Variants in PHYHIP observed in about 807,000 individuals in gnomAD.
The protein encoded by PHYHIP is phytanoyl-CoA hydroxylase-interacting protein.
A neutral mutation model predicts 26.1 loss-of-function variants in PHYHIP; 7 were observed. The ratio of observed to expected loss-of-function variants is 0.27; its 90% CI spans 0.15 to 0.50. The LOEUF is 0.50. PHYHIP is among the 20% of genes least tolerant of loss of function. PHYHIP has a pLI of 0.98. For missense variants in PHYHIP, 232 were observed against 454.7 expected (o/e 0.51, Z 4.45); for synonymous variants, 206 against 183.4 (o/e 1.12, Z -1.00).
At position 22,223,423 on chromosome 8, in the gene PHYHIP, C is replaced by T. The variant is rs146376143; in HGVS notation, c.458+803G>A. On this transcript the variant is annotated intron_variant, in intron 4 of 4. Coordinates refer to ENST00000454243, the MANE Select transcript of PHYHIP (RefSeq NM_014759.5). ...GCCCTGGCTGAGCCTCAGAAGGATG[C>T]GGCCTTGGAGCACTTGCCAGCAGGC... Among the ~76,000 whole-genome samples the T allele has an allele frequency of 5.3e-3, 803 of 150,862 alleles. 7 individuals are homozygous for T. Among genetic ancestry groups the T allele is most frequent in the African/African-American group, 0.018 (718 of 41,010 alleles).
rs746137577 is a variant in PHYHIP at position 22,221,472 on chromosome 8, C to T, written c.874G>A (p.Val292Ile). 8 of 1,614,158 alleles carry T rather than the reference C, an allele frequency of 5.0e-6. No homozygotes were observed. The highest frequency in any genetic ancestry group is 4.4e-5 in the South Asian group (4 of 91,080). Residue 292 changes from valine (V) to isoleucine (I), a missense_variant, in exon 5 of 5, where the codon GTC (valine) becomes ATC (isoleucine). Transcript: ENST00000454243. The surrounding 1 kb of genome is among the most constrained non-coding windows in gnomAD (Gnocchi z 7.9). ...LILEIIYTEP[V>I]DLSLGTLGEI... ...CCCAGGGTGCCCAGGGACAGGTCGA[C>T]GGGCTCAGTGTAGATGATCTCCAGG...
chr8:22,221,324 TCCCTCG>T lies in PHYHIP; in HGVS notation c.*23_*28del. On this transcript the variant is annotated 3_prime_UTR_variant, in exon 5 of 5. Transcript: ENST00000454243. This position sits in a 1 kb window ranked among gnomAD's most constrained non-coding sequence, Gnocchi z 7.9. ...CCCACCTCCACCTTCCGCTCATCTC[TCCCTCG>T]CCCCCCAGCTCCCCAGGAGTCCCTA... 1 of 1,529,308 alleles carries T rather than the reference TCCCTCG, an allele frequency of 6.5e-7. No individual in the cohort carries two copies. The highest frequency in any genetic ancestry group is 8.8e-7 in the Non-Finnish European group (1 of 1,137,440). 94.7% of individuals were successfully genotyped at this position (1,529,308 alleles called of 1,614,324 possible).
chr8:22,222,472 C>T (rs1829650608), intron 4 of PHYHIP, among the ~76,000 whole-genome samples: 1 of 152,212 alleles, frequency 6.6e-6, no homozygotes, highest in Admixed American at 6.5e-5. Flanking sequence ...CACTATGTTG[C>T]CCAGGCTGGA....
intron 4 of PHYHIP, among the ~76,000 whole-genome samples, chr8:22,222,652 CA>C (rs1179011090): frequency 6.6e-6 from 1 of 152,164 alleles, no homozygotes; most frequent in East Asian, 1.9e-4. Flanking sequence ...CTGAGGTTCT[CA>C]AAAGAGTGAA....
chr8:22,229,375 C>T (rs890067974), intron 1 of PHYHIP, among the ~76,000 whole-genome samples: 1 of 152,184 alleles, frequency 6.6e-6, no homozygotes, highest in African/African-American at 2.4e-5. Flanking sequence ...CTCCTTCCAT[C>T]GTTTCCTTTC....
chr8:22,221,152 T>C lies in PHYHIP; in HGVS notation c.*201A>G, dbSNP rs1829613220. On this transcript the variant is annotated 3_prime_UTR_variant, in exon 5 of 5. Coordinates refer to ENST00000454243, the MANE Select transcript of PHYHIP (RefSeq NM_014759.5). This position sits in a 1 kb window ranked among gnomAD's most constrained non-coding sequence, Gnocchi z 7.9. ...CTACAGAGGCTGAGAAGCCTTTCCA[T>C]GTCCACCAGGCTGGGTGTGGGCCAC... is the stretch of plus-strand genomic sequence containing the variant. The C allele has an allele frequency of 1.9e-6, 1 of 525,662 alleles. No homozygotes were observed. The highest frequency in any genetic ancestry group is 3.2e-5 in the Admixed American group (1 of 31,136). 32.6% of individuals were successfully genotyped at this position (525,662 alleles called of 1,614,324 possible).
In PHYHIP at chr8:22,221,712, G is replaced by A. The variant is rs1003276981; in HGVS notation, c.634C>T (p.Arg212Cys). 3.1e-6 allele frequency: 5 copies of A among 1,613,090 alleles called. No individual in the cohort carries two copies. In the South Asian group the frequency reaches 3.3e-5, roughly 11 times the overall value. Residue 212 changes from arginine (R) to cysteine (C), a missense_variant, in exon 5 of 5, where the codon CGC (arginine) becomes TGC (cysteine). Physicochemically the swap from Arg to Cys is radical, Grantham distance 180. Transcript: ENST00000454243. This position sits in a 1 kb window ranked among gnomAD's most constrained non-coding sequence, Gnocchi z 7.9. ...AGGTTGGTGCTGGGATTGAAGAGGC[G>A]CTGAGCTGGGATCTGGAAGCGCCAG... ...GRWRFQIPAQRLFNPSTNLYF... is the reference protein window; with the variant it reads ...GRWRFQIPAQCLFNPSTNLYF...
intron 3 of PHYHIP, among the ~76,000 whole-genome samples, chr8:22,226,144 G>A (rs914763620): frequency 1.3e-5 from 2 of 152,164 alleles, no homozygotes; most frequent in African/African-American, 2.4e-5. Flanking sequence ...ATTTTCCCAG[G>A]CTACGTGAAG....
chr8:22,224,135 T>G (rs1586489027), intron 4 of PHYHIP, 91 bp downstream of exon 4: 3 of 777,904 alleles, frequency 3.9e-6, no homozygotes, highest in Non-Finnish European at 4.5e-6. Context: ...GCCACGAGGG[T>G]GGGGGTGACC....
Position 22,220,016 on chromosome 8 carries a change from C to G in PHYHIP, c.*1337G>C, listed in dbSNP as rs889800485. The stretch of plus-strand genomic sequence containing the variant: ...CCTCACCGAGGTATGGCCTTGCCGG[C>G]CCGCTGCTGCTTCCGTCCTTCATCA... On this transcript the variant is annotated 3_prime_UTR_variant, in exon 5 of 5. Transcript: ENST00000454243. 1 of 152,496 alleles carries G rather than the reference C, an allele frequency of 6.6e-6. No individual in the cohort carries two copies. Among genetic ancestry groups the G allele is most frequent in the African/African-American group, 2.4e-5 (1 of 41,482 alleles). 9.4% of individuals were successfully genotyped at this position (152,496 alleles called of 1,614,324 possible).
rs1423675422 is a variant in PHYHIP, at chr8:22,224,358, A to T, written c.341-15T>A. The T allele has an allele frequency of 5.4e-6, 8 of 1,489,712 alleles. No homozygotes were observed. Among genetic ancestry groups the T allele is most frequent in the Non-Finnish European group, 7.5e-6 (8 of 1,070,342 alleles). The allele number at this position is 1,489,712 out of a possible 1,614,324, so 92.3% of individuals were successfully genotyped here. A position where few individuals can be genotyped will look rare whatever the true frequency, so the allele number is the denominator to read the frequency against. ...CTTGGCATAATCTGCAAGATCCCAGATGCGGTAGGTGAGCCGAGGGCCAGC... is the reference window on the plus strand; with the variant it reads ...CTTGGCATAATCTGCAAGATCCCAGTTGCGGTAGGTGAGCCGAGGGCCAGC... On this transcript the variant is annotated splice_polypyrimidine_tract_variant and intron_variant, in intron 3 of 4. Transcript: ENST00000454243.
At chr8:22,222,004 TC>T in intron 4 of PHYHIP, 117 bp from the exon 5 acceptor site, 2 of 827,682 alleles carry the variant, frequency 2.4e-6, no homozygotes, top group Non-Finnish European at 3.7e-6. Context: ...CTCCCAGCCC[TC>T]CCCCAGCCGC....
chr8:22,229,841 C>T lies in PHYHIP; in HGVS notation c.-29-1455G>A, dbSNP rs534642276. Among the ~76,000 whole-genome samples, 28 of 152,314 alleles carry T rather than the reference C, an allele frequency of 1.8e-4. 1 individual carries two copies. In the South Asian group the frequency reaches 5.6e-3, roughly 30 times the overall value. On this transcript the variant is annotated intron_variant, in intron 1 of 4. Coordinates refer to ENST00000454243, the MANE Select transcript of PHYHIP (RefSeq NM_014759.5). Reference sequence around the variant, plus strand: ...AGCCCACACCTTCCTGTCAATTAAGCTTGCTCCAGAGCCTGGCACCTCTGT... The same window carrying T: ...AGCCCACACCTTCCTGTCAATTAAGTTTGCTCCAGAGCCTGGCACCTCTGT...
Position 22,224,289 on chromosome 8 carries a change from C to A in PHYHIP, c.395G>T (p.Gly132Val), listed in dbSNP as rs748801776. ...QLQEKAEQIA[G>V]RMLRFSVFYR... ...GAAGACGGAGAAGCGGAGCATGCGG[C>A]CTGCGATCTGCTCAGCTTTCTCCTG... Residue 132 changes from glycine to valine, a missense_variant, in exon 4 of 5, where the codon GGC (glycine) becomes GTC (valine). Physicochemically the swap from Gly to Val is moderately radical, Grantham distance 109 (BLOSUM62 -3). Coordinates refer to ENST00000454243, the MANE Select transcript of PHYHIP (RefSeq NM_014759.5). The A allele has an allele frequency of 1.2e-6, 2 of 1,612,942 alleles. No individual in the cohort carries two copies. The highest frequency in any genetic ancestry group is 2.2e-5 in the East Asian group (1 of 44,898).
intron 1 of PHYHIP, among the ~76,000 whole-genome samples, chr8:22,230,201 TCACACACACACACG>T (rs1297995221): frequency 1.3e-5 from 2 of 151,282 alleles, no homozygotes; most frequent in Non-Finnish European, 3.0e-5. Context: ...CATGTGCCCC[TCACACACACACACG>T]CACACACACA....
chr8:22,222,619 C>T (rs1208002878), intron 4 of PHYHIP, among the ~76,000 whole-genome samples: 1 of 152,172 alleles, frequency 6.6e-6, no homozygotes, highest in Non-Finnish European at 1.5e-5. Flanking sequence ...GAAATCTTTC[C>T]ATACTGTCTC....
intron 2 of PHYHIP, chr8:22,227,788 CG>C (rs1460082958): frequency 4.4e-6 from 2 of 453,984 alleles, no homozygotes; most frequent in African/African-American, 4.0e-5. Context: ...CAGCCAACAG[CG>C]AGGCTGTGCC....
At chr8:22,225,549 C>G (rs892806079) in intron 3 of PHYHIP, among the ~76,000 whole-genome samples, 3 of 150,728 alleles carry the variant, frequency 2.0e-5, no homozygotes, top group African/African-American at 7.3e-5. Context: ...AATCGCAGCA[C>G]TTTGGGAGGC....
chr8:22,226,390 G>T (rs1829745099), intron 3 of PHYHIP, among the ~76,000 whole-genome samples: 1 of 152,146 alleles, frequency 6.6e-6, no homozygotes, highest in Non-Finnish European at 1.5e-5. Context: ...GAGGGAAATG[G>T]GGGGCGGTTA....
Sources: allele counts gnomAD v4.1 joint callset (sites outside exome capture counted in the v4.1 genomes callset), GRCh38; gene constraint gnomAD v4.1.1; non-coding constraint Gnocchi (gnomAD v3.1); transcripts MANE v1.5; gene names NCBI Gene and HGNC (gene_info 2026-07-23, HGNC 2026-07-21).